Variants in ADCY6 observed in about 807,000 individuals in gnomAD.
ADCY6 encodes adenylate cyclase 6.
A neutral mutation model predicts 111.6 loss-of-function variants in ADCY6; 59 were observed. The ratio of observed to expected loss-of-function variants is 0.53; its 90% CI spans 0.43 to 0.66. ADCY6 has a LOEUF of 0.66. Among genes scored for constraint, ADCY6 ranks in the 30% least tolerant of loss-of-function variants. The pLI, the probability that ADCY6 is intolerant of heterozygous loss-of-function variation, is 0.00. For missense variants in ADCY6, 1,242 were observed against 1,595.6 expected (o/e 0.78, Z 3.78); for synonymous variants, 576 against 642.9 (o/e 0.90, Z 1.57).
chr12:48,774,273 A>T, intron 14 of ADCY6, 129 bp downstream of exon 14: 1 of 1,099,426 alleles, frequency 9.1e-7, no homozygotes, highest in Non-Finnish European at 1.3e-6. Flanking sequence ...AACCGGAGTT[A>T]ACCTTCCCCT....
chr12:48,771,087 C>T lies in ADCY6; in HGVS notation c.3052-117G>A. 1 of 1,000,330 alleles carries T rather than the reference C, an allele frequency of 1.0e-6. No homozygotes were observed. The highest frequency in any genetic ancestry group is 2.6e-5 in the East Asian group (1 of 38,254). 62.0% of individuals were successfully genotyped at this position (1,000,330 alleles called of 1,614,324 possible). On this transcript the variant is annotated intron_variant, in intron 19 of 21. Coordinates refer to ENST00000357869, the MANE Select transcript of ADCY6 (RefSeq NM_015270.5). This position sits in a 1 kb window ranked among gnomAD's most constrained non-coding sequence, Gnocchi z 4.3. ...TCCCCACTTCCCTGTCTCAAGAGCC[C>T]CCTTCCAGCTGCTGCTATCAGTGTA... is the stretch of plus-strand genomic sequence containing the variant.
chr12:48,776,940 G>A lies in ADCY6; in HGVS notation c.1376+164C>T, dbSNP rs564739761. Reference sequence around the variant, plus strand: ...TGGCTGGGAGTCTAGGGGTCCGCATGGGTCTTTGCACAGGTTGGAGAAAGA... The same window carrying A: ...TGGCTGGGAGTCTAGGGGTCCGCATAGGTCTTTGCACAGGTTGGAGAAAGA... On this transcript the variant is annotated intron_variant, in intron 6 of 21. Transcript: ENST00000357869. This position sits in a 1 kb window ranked among gnomAD's most constrained non-coding sequence, Gnocchi z 6.1. 3.7e-4 allele frequency among the ~76,000 whole-genome samples: 56 copies of A among 152,132 alleles called. No individual in the cohort carries two copies. Among genetic ancestry groups the A allele is most frequent in the Non-Finnish European group, 5.7e-4 (39 of 68,020 alleles).
At position 48,779,219 on chromosome 12, in the gene ADCY6, T is replaced by C. The variant is rs1592162200; in HGVS notation, c.865-962A>G. ...ACACATTTCTTAAAACTCTGTGAAA[T>C]AGGTAACAATATCCCATTTTAAAGG... is the stretch of plus-strand genomic sequence containing the variant. On this transcript the variant is annotated intron_variant, in intron 2 of 21. Transcript: ENST00000357869. Among the ~76,000 whole-genome samples, 4 of 151,960 alleles carry C rather than the reference T, an allele frequency of 2.6e-5. No individual in the cohort carries two copies. In the South Asian group the frequency reaches 8.3e-4, roughly 32 times the overall value.
Position 48,771,614 on chromosome 12 carries a change from A to G in ADCY6, c.3051+96T>C, listed in dbSNP as rs1446201958. 1 of 1,563,656 alleles carries G rather than the reference A, an allele frequency of 6.4e-7. No individual in the cohort carries two copies. Among genetic ancestry groups the G allele is most frequent in the African/African-American group, 1.4e-5 (1 of 73,940 alleles). ...CCCTGATGACTCTGGGTCCCATCAAATCTCTCTCTCTCTTCCCAGTTCCAC... is the reference window on the plus strand; with the variant it reads ...CCCTGATGACTCTGGGTCCCATCAAGTCTCTCTCTCTCTTCCCAGTTCCAC... On this transcript the variant is annotated intron_variant, in intron 19 of 21. Coordinates refer to ENST00000357869, the MANE Select transcript of ADCY6 (RefSeq NM_015270.5). The surrounding 1 kb of genome is among the most constrained non-coding windows in gnomAD (Gnocchi z 4.3).
chr12:48,774,228 A>C (rs1193449482), intron 14 of ADCY6, 130 bp from the exon 15 acceptor site: 1 of 1,071,036 alleles, frequency 9.3e-7, no homozygotes, highest in African/African-American at 1.6e-5. Context: ...GTACTCACTC[A>C]GGGATGACAA....
chr12:48,775,913 G>A (rs765564032), intron 9 of ADCY6, 50 bp downstream of exon 9: 1 of 1,565,528 alleles, frequency 6.4e-7, no homozygotes, highest in African/African-American at 1.4e-5. Flanking sequence ...ACAGGGTATT[G>A]AGGGAGCTAA....
Position 48,776,138 on chromosome 12 carries a change from G to T in ADCY6, c.1678-47C>A, listed in dbSNP as rs149039648. The T allele has an allele frequency of 7.8e-3, 12,509 of 1,613,784 alleles. 78 individuals carry two copies. Among genetic ancestry groups the T allele is most frequent in the Non-Finnish European group, 9.6e-3 (11,276 of 1,179,822 alleles). ...AGGCTCAGAAGAGGGGCCCAGAGGA[G>T]GCCTTGGCCTGCTCCTCCCCATTTG... On this transcript the variant is annotated intron_variant, in intron 8 of 21. Transcript: ENST00000357869. The surrounding 1 kb of genome is among the most constrained non-coding windows in gnomAD (Gnocchi z 6.1).
At position 48,770,772 on chromosome 12, in the gene ADCY6, T is replaced by C. The variant is rs1224460063; in HGVS notation, c.3250A>G (p.Lys1084Glu). ...AGCAACAAAGCCCTCTTACCAATCTTCATCTGGAAATTGTTGAAGGAGTGC... is the reference window on the plus strand; with the variant it reads ...AGCAACAAAGCCCTCTTACCAATCTCCATCTGGAAATTGTTGAAGGAGTGC... ...NEHSFNNFQM[K>E]IGLNMGPVVA... The change falls in exon 20 of 22, where the codon AAG becomes GAG. Residue 1084 changes from lysine to glutamate, a missense_variant. Transcript: ENST00000357869. 1.2e-6 allele frequency: 2 copies of C among 1,613,804 alleles called. No individual in the cohort carries two copies. The highest frequency in any genetic ancestry group is 1.7e-6 in the Non-Finnish European group (2 of 1,179,922).
At position 48,771,737 on chromosome 12, in the gene ADCY6, G is replaced by A. The variant is rs1941550735; in HGVS notation, c.3024C>T (p.Leu1008=). ...NNEGVECLRL[L]NEIIADFDEI... ...CATCAAAGTCAGCGATGATCTCGTT[G>A]AGCAGCCGCAGGCACTCGACACCCT... The change falls in exon 19 of 22, where the codon CTC becomes CTT. Residue 1008 remains leucine (L), a synonymous_variant. Coordinates refer to ENST00000357869, the MANE Select transcript of ADCY6 (RefSeq NM_015270.5). This position sits in a 1 kb window ranked among gnomAD's most constrained non-coding sequence, Gnocchi z 4.3. The A allele has an allele frequency of 6.2e-7, 1 of 1,614,114 alleles. No homozygotes were observed. The highest frequency in any genetic ancestry group is 1.1e-5 in the South Asian group (1 of 91,080).
At chr12:48,769,792 C>T (rs1224520183) in intron 20 of ADCY6, among the ~76,000 whole-genome samples, 5 of 140,420 alleles carry the variant, frequency 3.6e-5, no homozygotes, top group South Asian at 2.3e-4. Flanking sequence ...GACAGAGTCT[C>T]GCTCTGTCAC....
Position 48,768,424 on chromosome 12 carries a change from C to T in ADCY6, c.*167G>A. On this transcript the variant is annotated 3_prime_UTR_variant, in exon 22 of 22. Transcript: ENST00000357869. Reference sequence around the variant, plus strand: ...CGGTAGGTAGCCCCTTGTTTTCCAGCTTGAGGGCAGACGAGCATGATCCAA... The same window carrying T: ...CGGTAGGTAGCCCCTTGTTTTCCAGTTTGAGGGCAGACGAGCATGATCCAA... 2 of 984,204 alleles carry T rather than the reference C, an allele frequency of 2.0e-6. No individual in the cohort carries two copies. The highest frequency in any genetic ancestry group is 3.0e-6 in the Non-Finnish European group (2 of 659,866). The allele number at this position is 984,204 out of a possible 1,614,324, so 61.0% of individuals were successfully genotyped here.
Position 48,774,976 on chromosome 12 carries a change from G to T in ADCY6, c.2059C>A (p.Gln687Lys), listed in dbSNP as rs548563776. 6 of 1,556,634 alleles carry T rather than the reference G, an allele frequency of 3.9e-6. No homozygotes were observed. In the African/African-American group the frequency reaches 8.2e-5, roughly 21 times the overall value. Reference protein sequence around the residue: ...LLVFCFICFIQLLIFPHSTLM... With the variant: ...LLVFCFICFIKLLIFPHSTLM... ...TCTCACTGTGGGAAGATGAGAAGCT[G>T]GATGAAGCAGATGAAGCAGAAGACC... Residue 687 changes from glutamine to lysine, a missense_variant, in exon 12 of 22, where the codon CAG (glutamine) becomes AAG (lysine). Gln to Lys is a moderately conservative substitution (Grantham distance 53, BLOSUM62 1). Transcript: ENST00000357869.
intron 2 of ADCY6, among the ~76,000 whole-genome samples, chr12:48,781,326 T>C (rs1941839035): frequency 6.6e-6 from 1 of 152,140 alleles, no homozygotes. Context: ...TTCCTCTCTG[T>C]GCCTGAGGCA....
chr12:48,789,856 C>T, upstream of ADCY6: 1 of 152,192 alleles, frequency 6.6e-6, no homozygotes, highest in Non-Finnish European at 1.5e-5. Context: ...AGCCCCTCCC[C>T]CGCACCTGCC....
rs1941441316 is a variant in ADCY6 at position 48,768,727 on chromosome 12, G to A, written c.3382-11C>T. 6.2e-7 allele frequency: 1 copy of A among 1,613,228 alleles called. No homozygotes were observed. Among genetic ancestry groups the A allele is most frequent in the Non-Finnish European group, 8.5e-7 (1 of 1,179,352 alleles). On this transcript the variant is annotated splice_polypyrimidine_tract_variant and intron_variant, in intron 21 of 21. Coordinates refer to ENST00000357869, the MANE Select transcript of ADCY6 (RefSeq NM_015270.5). ...CAGGTCCGTGGTCACCTGGGGGAGT[G>A]GGAGGGGAGCCCGCTTAGCCTGGAA...
In ADCY6 at chr12:48,778,801, T is replaced by C. The variant is rs139956969; in HGVS notation, c.865-544A>G. On this transcript the variant is annotated intron_variant, in intron 2 of 21. Transcript: ENST00000357869. ...ATAATCACCATTGTCATTATTATTA[T>C]GGTAGCTAGTTTGTTGGCTGCCTAC... Among the ~76,000 whole-genome samples the C allele has an allele frequency of 2.2e-3, 342 of 152,012 alleles. 2 individuals carry two copies. Among genetic ancestry groups the C allele is most frequent in the African/African-American group, 7.7e-3 (320 of 41,460 alleles).
At position 48,774,525 on chromosome 12, in the gene ADCY6, G is replaced by T. The variant is rs764803528; in HGVS notation, c.2167-7C>A. The T allele has an allele frequency of 1.2e-6, 2 of 1,612,184 alleles. No individual in the cohort carries two copies. Among genetic ancestry groups the T allele is most frequent in the Non-Finnish European group, 1.7e-6 (2 of 1,178,464 alleles). ...GCAGGGCCTTAGGGAACAGCTAGAG[G>T]CATCAAGAGACCAAGAGTTGAAGGT... On this transcript the variant is annotated splice_polypyrimidine_tract_variant and splice_region_variant and intron_variant, in intron 13 of 21. Coordinates refer to ENST00000357869, the MANE Select transcript of ADCY6 (RefSeq NM_015270.5).
At chr12:48,783,617 C>CTCACCTTGGG in intron 1 of ADCY6, 179 bp from the exon 2 acceptor site, 1 of 1,402,762 alleles carries the variant, frequency 7.1e-7, no homozygotes, top group Non-Finnish European at 9.4e-7. Flanking sequence ...CCCCAATCAA[C>CTCACCTTGGG]AGGTGAGAAC....
At position 48,777,789 on chromosome 12, in the gene ADCY6, A is replaced by G. The variant is rs1449960967; in HGVS notation, c.1015-53T>C. The stretch of plus-strand genomic sequence containing the variant: ...ACTATACTCTTGGTCTCACATTGCA[A>G]TCCCTCCTGGTCTCTCCACATCGCC... On this transcript the variant is annotated intron_variant, in intron 3 of 21. Transcript: ENST00000357869. The surrounding 1 kb of genome is among the most constrained non-coding windows in gnomAD (Gnocchi z 4.9). 6 of 1,605,848 alleles carry G rather than the reference A, an allele frequency of 3.7e-6. No individual in the cohort carries two copies. The highest frequency in any genetic ancestry group is 3.3e-5 in the Admixed American group (2 of 59,776).
Sources: gnomAD v4.1 joint callset for allele counts (sites outside exome capture counted in the v4.1 genomes callset) on GRCh38, gnomAD v4.1.1 for gene constraint, Gnocchi (gnomAD v3.1) non-coding constraint, MANE v1.5 for transcripts, NCBI Gene and HGNC (gene_info 2026-07-23, HGNC 2026-07-21) for gene names.